Variants in BHLHE41 observed in about 807,000 individuals in gnomAD.
The protein encoded by BHLHE41 is class E basic helix-loop-helix protein 41.
A neutral mutation model predicts 24.0 loss-of-function variants in BHLHE41; 14 were observed. That is an observed-to-expected ratio of 0.58 (90% CI 0.39 to 0.91). The LOEUF (loss-of-function observed/expected upper bound fraction) is 0.91, where lower values mean the gene tolerates loss of function less well. Among genes scored for constraint, BHLHE41 ranks in the 40% least tolerant of loss-of-function variants. The pLI, the probability that BHLHE41 is intolerant of heterozygous loss-of-function variation, is 0.00. For synonymous variants in BHLHE41, 394 were observed against 315.5 expected (o/e 1.25, Z -2.64); for missense variants, 674 against 655.4 (o/e 1.03, Z -0.31).
At position 26,120,925 on chromosome 12, in the gene BHLHE41, G is replaced by A. The variant is rs117086355; in HGVS notation, c.*1141C>T. The A allele has an allele frequency of 4.9e-3, 743 of 152,734 alleles. 6 individuals are homozygous for A. The highest frequency in any genetic ancestry group is 7.7e-3 in the Non-Finnish European group (521 of 68,020). 9.5% of individuals were successfully genotyped at this position (152,734 alleles called of 1,614,324 possible). ...CAGAAAATACATAGACTTGGAGATA[G>A]GAAGGCCTCACAGGACTTCATTCTA... On this transcript the variant is annotated 3_prime_UTR_variant, in exon 5 of 5. Transcript: ENST00000242728.
chr12:26,121,614 A>AT lies in BHLHE41; in HGVS notation c.*451dup, dbSNP rs1419590153. 1 of 164,494 alleles carries AT rather than the reference A, an allele frequency of 6.1e-6. No individual in the cohort carries two copies. The highest frequency in any genetic ancestry group is 1.3e-5 in the Non-Finnish European group (1 of 75,486). The allele number at this position is 164,494 out of a possible 1,614,324, so 10.2% of individuals were successfully genotyped here. A position where few individuals can be genotyped will look rare whatever the true frequency, so the allele number is the denominator to read the frequency against. On this transcript the variant is annotated 3_prime_UTR_variant, in exon 5 of 5. Transcript: ENST00000242728. ...CTACATAACAACTACCTGCTGTTCCATGTCAACTCCAAAGACGTCAAAGGT... is the reference window on the plus strand; with the variant it reads ...CTACATAACAACTACCTGCTGTTCCATTGTCAACTCCAAAGACGTCAAAGGT...
Position 26,124,068 on chromosome 12 carries a change from T to A in BHLHE41, c.234+4A>T. ...GCAGCAAAGAATGAAAATGTGCATC[T>A]TACTGTCAATTTCAGATGTTCAGGC... On this transcript the variant is annotated splice_donor_region_variant and intron_variant, in intron 3 of 4. Coordinates refer to ENST00000242728, the MANE Select transcript of BHLHE41 (RefSeq NM_030762.3). The A allele has an allele frequency of 6.3e-7, 1 of 1,579,988 alleles. No homozygotes were observed. The highest frequency in any genetic ancestry group is 8.7e-7 in the Non-Finnish European group (1 of 1,148,930).
Position 26,121,223 on chromosome 12 carries a change from A to G in BHLHE41, c.*843T>C, listed in dbSNP as rs971914917. On this transcript the variant is annotated 3_prime_UTR_variant, in exon 5 of 5. Transcript: ENST00000242728. ...TAGAAATCTGTACAGATAGATATCT[A>G]TCTATATATGGACTTAGAAGAAATT... 3 of 152,516 alleles carry G rather than the reference A, an allele frequency of 2.0e-5. 1 individual carries two copies. The South Asian group carries it at 6.2e-4, about 32-fold the overall frequency. 9.4% of individuals were successfully genotyped at this position (152,516 alleles called of 1,614,324 possible). A position where few individuals can be genotyped will look rare whatever the true frequency, so the allele number is the denominator to read the frequency against.
intron 3 of BHLHE41, 122 bp downstream of exon 3, chr12:26,123,950 G>C: frequency 3.7e-6 from 3 of 803,976 alleles, no homozygotes; most frequent in Non-Finnish European, 6.2e-6. Context: ...AACTCTGTAC[G>C]GTATAGCACA....
In BHLHE41 at chr12:26,124,882, A is replaced by G; in HGVS notation, c.-103T>C. ...ACCTTGGGGGGATCTGTGCGTCTCC[A>G]GTCTCTCTCTCGCTCTCCCTCTTCA... On this transcript the variant is annotated 5_prime_UTR_variant, in exon 1 of 5. Coordinates refer to ENST00000242728, the MANE Select transcript of BHLHE41 (RefSeq NM_030762.3). The G allele has an allele frequency of 8.8e-7, 1 of 1,138,964 alleles. No individual in the cohort carries two copies. Among genetic ancestry groups the G allele is most frequent in the Non-Finnish European group, 1.3e-6 (1 of 754,710 alleles). The allele number at this position is 1,138,964 out of a possible 1,614,324, so 70.6% of individuals were successfully genotyped here.
rs772122589 is a variant in BHLHE41 at position 26,122,741 on chromosome 12, C to A, written c.774G>T (p.Ala258=). Residue 258 remains alanine (A), a synonymous_variant, in exon 5 of 5, where the codon GCG becomes GCT. Transcript: ENST00000242728. The stretch of plus-strand genomic sequence containing the variant: ...GCTTGATGGTGACGCGGCTCGCCCC[C>A]GCGCCTTTGCCTTTCTCGCGGTCCG... ...ARPDREKGKG[A]GASRVTIKQE... is the part of the protein sequence containing the mutation. 2.5e-6 allele frequency: 4 copies of A among 1,595,510 alleles called. No individual in the cohort carries two copies. Among genetic ancestry groups the A allele is most frequent in the Non-Finnish European group, 3.4e-6 (4 of 1,175,816 alleles).
In BHLHE41 at chr12:26,124,738, C is replaced by T; in HGVS notation, c.42G>A (p.Leu14=). The T allele has an allele frequency of 6.2e-7, 1 of 1,614,184 alleles. No homozygotes were observed. Among genetic ancestry groups the T allele is most frequent in the East Asian group, 2.2e-5 (1 of 44,880 alleles). ...CTTACCCTATAAAATCTCTATGTTCCAGTAACTGTCTCTCTTGCAAATGAG... is the reference window on the plus strand; with the variant it reads ...CTTACCCTATAAAATCTCTATGTTCTAGTAACTGTCTCTCTTGCAAATGAG... ...GIPHLQERQL[L]EHRDFIGLDY... The change falls in exon 1 of 5, where the codon CTG becomes CTA. Residue 14 remains leucine (L), a synonymous_variant. Coordinates refer to ENST00000242728, the MANE Select transcript of BHLHE41 (RefSeq NM_030762.3).
chr12:26,124,105 C>A lies in BHLHE41; in HGVS notation c.201G>T (p.Leu67=). 1 of 1,612,662 alleles carries A rather than the reference C, an allele frequency of 6.2e-7. No individual in the cohort carries two copies. Among genetic ancestry groups the A allele is most frequent in the Non-Finnish European group, 8.5e-7 (1 of 1,178,700 alleles). The change falls in exon 3 of 5, where the codon CTG becomes CTT. Residue 67 remains leucine (L), a synonymous_variant. Transcript: ENST00000242728. The part of the protein sequence containing the change: ...RDRINECIAQ[L]KDLLPEHLKL... ...TCAGATGTTCAGGCAGTAAATCTTTCAGCTGAGCAATGCATTCATTAATTC... is the reference window on the plus strand; with the variant it reads ...TCAGATGTTCAGGCAGTAAATCTTTAAGCTGAGCAATGCATTCATTAATTC...
intron 3 of BHLHE41, 123 bp downstream of exon 3, chr12:26,123,949 C>T (rs1179884649): frequency 1.2e-6 from 1 of 800,596 alleles, no homozygotes; most frequent in Non-Finnish European, 2.1e-6. Flanking sequence ...AAACTCTGTA[C>T]GGTATAGCAC....
Position 26,124,749 on chromosome 12 carries a change from T to C in BHLHE41, c.31A>G (p.Arg11Gly), listed in dbSNP as rs1296356756. 1 of 1,614,194 alleles carries C rather than the reference T, an allele frequency of 6.2e-7. No homozygotes were observed. The highest frequency in any genetic ancestry group is 1.1e-5 in the South Asian group (1 of 91,086). MDEGIPHLQERQLLEHRDFIG... is the reference protein window; with the variant it reads MDEGIPHLQEGQLLEHRDFIG... ...AAATCTCTATGTTCCAGTAACTGTC[T>C]CTCTTGCAAATGAGGAATTCCTTCG... Residue 11 changes from arginine to glycine, a missense_variant, in exon 1 of 5, where the codon AGA becomes GGA. Around this residue, in one of 3 missense-constraint regions of BHLHE41, gnomAD observed 67 missense variants for 62.4 expected, o/e 1.07. Transcript: ENST00000242728.
chr12:26,123,942 C>G, intron 3 of BHLHE41, 130 bp downstream of exon 3: 2 of 790,696 alleles, frequency 2.5e-6, no homozygotes, highest in Non-Finnish European at 4.2e-6. Context: ...TTGCGGGAAA[C>G]TCTGTACGGT....
chr12:26,123,556 G>C, intron 4 of BHLHE41, 74 bp downstream of exon 4: 1 of 1,011,964 alleles, frequency 9.9e-7, no homozygotes, highest in Middle Eastern at 2.1e-4. Flanking sequence ...GTGCGGGTGA[G>C]GGAGTCCTGA....
rs1243586101 is a variant in BHLHE41 at position 26,120,247 on chromosome 12, G to C, written c.*1819C>G. The C allele has an allele frequency of 6.6e-6, 1 of 152,532 alleles. No homozygotes were observed. Among genetic ancestry groups the C allele is most frequent in the Non-Finnish European group, 1.5e-5 (1 of 68,030 alleles). The allele number at this position is 152,532 out of a possible 1,614,324, so 9.4% of individuals were successfully genotyped here. On this transcript the variant is annotated 3_prime_UTR_variant, in exon 5 of 5. Transcript: ENST00000242728. ...TCCATTATGTCTTTTTTAATTATTA[G>C]ACAATATCATATCGTATATTAAAGT...
Position 26,124,945 on chromosome 12 carries a change from C to A in BHLHE41, c.-166G>T. 2 of 721,928 alleles carry A rather than the reference C, an allele frequency of 2.8e-6. No homozygotes were observed. Among genetic ancestry groups the A allele is most frequent in the South Asian group, 1.5e-5 (1 of 66,310 alleles). 44.7% of individuals were successfully genotyped at this position (721,928 alleles called of 1,614,324 possible). On this transcript the variant is annotated 5_prime_UTR_variant, in exon 1 of 5. The change creates a new upstream start codon in the 5' untranslated region. Coordinates refer to ENST00000242728, the MANE Select transcript of BHLHE41 (RefSeq NM_030762.3). ...AAGTGTGAAGCAGTTGGTCCCCCCC[C>A]TCCACCGCGCTCGCACACACACACG...
chr12:26,123,277 A>T, intron 4 of BHLHE41, 109 bp from the exon 5 acceptor site: 1 of 1,374,874 alleles, frequency 7.3e-7, no homozygotes, highest in Non-Finnish European at 9.7e-7. Context: ...GACTAAAGTG[A>T]TCTCGGTTTT....
rs1944293725 is a variant in BHLHE41, at chr12:26,120,292, T to A, written c.*1774A>T. ...TAAAGTTTTTATTCCTTAGTAAGAA[T>A]TTTTAAATCACAAAATAGTGTGGCA... On this transcript the variant is annotated 3_prime_UTR_variant, in exon 5 of 5. Coordinates refer to ENST00000242728, the MANE Select transcript of BHLHE41 (RefSeq NM_030762.3). The A allele has an allele frequency of 6.6e-6, 1 of 152,658 alleles. No individual in the cohort carries two copies. Among genetic ancestry groups the A allele is most frequent in the Non-Finnish European group, 1.5e-5 (1 of 68,052 alleles). The allele number at this position is 152,658 out of a possible 1,614,324, so 9.5% of individuals were successfully genotyped here. A position where few individuals can be genotyped will look rare whatever the true frequency, so the allele number is the denominator to read the frequency against.
At chr12:26,123,249 T>C in intron 4 of BHLHE41, 81 bp from the exon 5 acceptor site, 1 of 1,471,866 alleles carries the variant, frequency 6.8e-7, no homozygotes, top group East Asian at 2.4e-5. Context: ...CATCTGCTTA[T>C]CACGTGGGCC....
In BHLHE41 at chr12:26,122,294, GGCGGCAGCGGCGGCGGCGGCTGCC is replaced by G; in HGVS notation, c.1197_1220del (p.Ala404_Ala411del). On this transcript the variant is annotated inframe_deletion, in exon 5 of 5. Coordinates refer to ENST00000242728, the MANE Select transcript of BHLHE41 (RefSeq NM_030762.3). ...ACAGGCAGGGGAACGCGGCGGCGGC[GGCGGCAGCGGCGGCGGCGGCTGCC>G]GCGGCTGCCGCCGGGGCGGGGATGC... 1 of 1,188,298 alleles carries G rather than the reference GGCGGCAGCGGCGGCGGCGGCTGCC, an allele frequency of 8.4e-7. No homozygotes were observed. Among genetic ancestry groups the G allele is most frequent in the Non-Finnish European group, 1.0e-6 (1 of 960,952 alleles). The allele number at this position is 1,188,298 out of a possible 1,614,324, so 73.6% of individuals were successfully genotyped here.
rs375859838 is a variant in BHLHE41, at chr12:26,124,942, C to G, written c.-163G>C. 12 of 740,868 alleles carry G rather than the reference C, an allele frequency of 1.6e-5. No homozygotes were observed. The highest frequency in any genetic ancestry group is 7.9e-5 in the Admixed American group (4 of 50,598). 45.9% of individuals were successfully genotyped at this position (740,868 alleles called of 1,614,324 possible). A position where few individuals can be genotyped will look rare whatever the true frequency, so the allele number is the denominator to read the frequency against. ...TGAAAGTGTGAAGCAGTTGGTCCCC[C>G]CCCTCCACCGCGCTCGCACACACAC... is the stretch of plus-strand genomic sequence containing the variant. On this transcript the variant is annotated 5_prime_UTR_variant, in exon 1 of 5. Transcript: ENST00000242728.
Sources: allele counts gnomAD v4.1 joint callset, GRCh38; gene constraint gnomAD v4.1.1; regional missense constraint gnomAD v4.1.1; transcripts MANE v1.5; gene names NCBI Gene and HGNC (gene_info 2026-07-23, HGNC 2026-07-21).